C5: variants seen among roughly 807,000 people sequenced by gnomAD.
The protein encoded by C5 is C3 and PZP-like alpha-2-macroglobulin domain-containing protein 4.
A neutral mutation model predicts 218.8 loss-of-function variants in C5; 140 were observed. That is an observed-to-expected ratio of 0.64 (90% CI 0.56 to 0.74). The LOEUF is 0.74. Among genes scored for constraint, C5 ranks in the 30% least tolerant of loss-of-function variants. The pLI is 0.00. For missense variants in C5, 1,700 were observed against 1,969.6 expected, an observed-to-expected ratio of 0.86 and a Z score of 2.59; for synonymous variants, 614 against 682.3, an observed-to-expected ratio of 0.90 and a Z score of 1.56.
At chr9:121,073,446 T>TG in the C5 span, among the ~76,000 whole-genome samples, 2 of 151,886 alleles carry the variant, frequency 1.3e-5, no homozygotes, top group African/African-American at 4.8e-5. Flanking sequence ...GAACTTACTA[T>TG]GGGTCCCTCA....
In C5 at chr9:121,013,893, T is replaced by C. The variant is rs1241843857; in HGVS notation, c.2237A>G (p.Asp746Gly). Residue 746 changes from aspartate to glycine, a missense_variant, in exon 17 of 41, where the codon GAC becomes GGC. Transcript: ENST00000223642. The stretch of plus-strand genomic sequence containing the variant: ...CTTACGTAGCCTTCCCAATTGCATG[T>C]CTTTATGAGAGATATTAGCACGGAG... ...SQLRANISHK[D>G]MQLGRLHMKT... is the part of the protein sequence containing the mutation. 3.1e-6 allele frequency: 5 copies of C among 1,614,144 alleles called. No homozygotes were observed. The highest frequency in any genetic ancestry group is 1.1e-5 in the South Asian group (1 of 91,082).
At chr9:121,002,864 G>C (rs2047183724) in intron 20 of C5, among the ~76,000 whole-genome samples, 1 of 152,136 alleles carries the variant, frequency 6.6e-6, no homozygotes, top group African/African-American at 2.4e-5. Flanking sequence ...TAGGGTGGTG[G>C]GGATGGAGCC....
At chr9:120,960,060 T>A (rs1427748732) in intron 38 of C5, among the ~76,000 whole-genome samples, 188 bp downstream of exon 38, 1 of 148,914 alleles carries the variant, frequency 6.7e-6, no homozygotes, top group East Asian at 2.0e-4. Context: ...ATAATGAAAA[T>A]CACATTTCTT....
At chr9:121,074,264 A>G in the C5 span, among the ~76,000 whole-genome samples, 1 of 152,236 alleles carries the variant, frequency 6.6e-6, no homozygotes, top group Non-Finnish European at 1.5e-5. Flanking sequence ...CCAGCCCAGT[A>G]TCTGCTAAAT....
At chr9:121,031,975 A>C in intron 6 of C5, 138 bp downstream of exon 6, 1 of 551,806 alleles carries the variant, frequency 1.8e-6, no homozygotes, top group Non-Finnish European at 3.4e-6. Flanking sequence ...GAGGCAGAGA[A>C]TTGCTTGAAC....
chr9:121,021,627 A>G lies in C5; in HGVS notation c.1184T>C (p.Ile395Thr). 1.2e-6 allele frequency: 2 copies of G among 1,613,918 alleles called. No individual in the cohort carries two copies. Among genetic ancestry groups the G allele is most frequent in the Non-Finnish European group, 1.7e-6 (2 of 1,179,826 alleles). Residue 395 changes from isoleucine to threonine, a missense_variant, in exon 11 of 41, where the codon ATT (isoleucine) becomes ACT (threonine). Transcript: ENST00000223642. ...GVPVTLNAQTIDVNQETSDLD... is the reference protein window; with the variant it reads ...GVPVTLNAQTTDVNQETSDLD... ...GTCAGATGTCTCTTGGTTTACATCAATTGTTTGTGCATTCAGTGTTACTGG... is the reference window on the plus strand; with the variant it reads ...GTCAGATGTCTCTTGGTTTACATCAGTTGTTTGTGCATTCAGTGTTACTGG...
At chr9:121,009,883 C>T (rs534540428) in intron 17 of C5, among the ~76,000 whole-genome samples, 1 of 152,368 alleles carries the variant, frequency 6.6e-6, no homozygotes, top group East Asian at 1.9e-4. Context: ...TTGCATTGAA[C>T]TCAGTGTTGC....
At chr9:120,982,076 A>T in intron 26 of C5, 137 bp from the exon 27 acceptor site, 1 of 702,004 alleles carries the variant, frequency 1.4e-6, no homozygotes, top group Non-Finnish European at 2.6e-6. Context: ...CAATGGCTTG[A>T]TCTTGGCTCA....
chr9:121,002,254 G>GTATATATATGTA (rs371381694), intron 20 of C5, among the ~76,000 whole-genome samples: 7 of 65,996 alleles, frequency 1.1e-4, no homozygotes, highest in Admixed American at 2.3e-4. Flanking sequence ...GTATATATAT[G>GTATATATATGTA]TATATATGTA....
intron 38 of C5, among the ~76,000 whole-genome samples, chr9:120,958,262 T>A (rs12375536): frequency 0.054 from 8,291 of 152,270 alleles, 670 homozygotes; most frequent in African/African-American, 0.18. Flanking sequence ...ACATGGGCAA[T>A]GTACTTACTA....
chr9:120,974,570 T>A (rs1032366798), intron 30 of C5, among the ~76,000 whole-genome samples: 4 of 152,238 alleles, frequency 2.6e-5, no homozygotes, highest in African/African-American at 9.6e-5. Context: ...TCTGCTTAAA[T>A]GACAATCTCC....
intron 20 of C5, among the ~76,000 whole-genome samples, chr9:121,001,954 A>G (rs2047164775): frequency 6.6e-6 from 1 of 151,928 alleles, no homozygotes. Context: ...GAAAACCTGT[A>G]AACAACCCAA....
At chr9:121,039,305 T>TAC (rs2047556534) in intron 3 of C5, among the ~76,000 whole-genome samples, 1 of 152,204 alleles carries the variant, frequency 6.6e-6, no homozygotes, top group Non-Finnish European at 1.5e-5. Context: ...ACAGCGATGG[T>TAC]ACATTGGAGG....
chr9:121,050,029 C>T (rs1275374698), intron 1 of C5, among the ~76,000 whole-genome samples, 153 bp downstream of exon 1: 3 of 152,186 alleles, frequency 2.0e-5, no homozygotes, highest in Non-Finnish European at 4.4e-5. Context: ...AATCAAAATG[C>T]TTCCATGACT....
intron 9 of C5, 64 bp from the exon 10 acceptor site, chr9:121,023,583 A>AAT (rs2047386461): frequency 1.1e-6 from 1 of 883,884 alleles, no homozygotes; most frequent in Non-Finnish European, 1.9e-6. Flanking sequence ...ATGGATATCC[A>AAT]TTTCATCTCT....
chr9:120,964,716 G>A (rs755518825), intron 33 of C5, among the ~76,000 whole-genome samples: 76 of 152,184 alleles, frequency 5.0e-4, no homozygotes, highest in Non-Finnish European at 9.0e-4. Context: ...TTGTAAGAGA[G>A]AAAAGAATAC....
chr9:121,039,196 G>C (rs2047555691), intron 3 of C5, among the ~76,000 whole-genome samples: 2 of 152,136 alleles, frequency 1.3e-5, no homozygotes, highest in African/African-American at 2.4e-5. Context: ...CACATACTAA[G>C]TAATCAATAA....
intron 20 of C5, among the ~76,000 whole-genome samples, chr9:121,002,228 A>G (rs28634338): frequency 1.8e-5 from 1 of 55,390 alleles, no homozygotes; most frequent in Non-Finnish European, 4.3e-5. Flanking sequence ...ATATATATAT[A>G]TGTATATATG....
Position 120,958,131 on chromosome 9 carries a change from A to T in C5, c.4679-763T>A, listed in dbSNP as rs576227486. On this transcript the variant is annotated intron_variant, in intron 38 of 40. Transcript: ENST00000223642. ...GTCTTTAAGTCTATCCCAGATATAG[A>T]TTGACTGATTGAGAGGTAGCTAGGT... 1.1e-4 allele frequency among the ~76,000 whole-genome samples: 17 copies of T among 152,304 alleles called. No homozygotes were observed. In the East Asian group the frequency reaches 2.3e-3, roughly 21 times the overall value.
Sources: gnomAD v4.1 joint callset for allele counts (sites outside exome capture counted in the v4.1 genomes callset) on GRCh38, gnomAD v4.1.1 for gene constraint, MANE v1.5 for transcripts, NCBI Gene and HGNC (gene_info 2026-07-23, HGNC 2026-07-21) for gene names.